Variants in EBF1 observed in about 807,000 individuals in gnomAD.
EBF1 encodes the protein transcription factor COE1.
EBF1 carries 10 observed loss-of-function variants against 68.4 expected under a neutral mutation model. The observed-to-expected ratio is 0.15, with a 90% CI of 0.09 to 0.25. The LOEUF is 0.25. Among genes scored for constraint, EBF1 ranks in the 10% least tolerant of loss-of-function variants. EBF1 has a pLI of 1.00. For missense variants in EBF1, 509 were observed against 794.4 expected, an observed-to-expected ratio of 0.64 and a Z score of 4.32; for synonymous variants, 298 against 299.8, an observed-to-expected ratio of 0.99 and a Z score of 0.06.
chr5:158,851,602 A>G (rs1582556067), intron 6 of EBF1, among the ~76,000 whole-genome samples: 1 of 41,622 alleles, frequency 2.4e-5, no homozygotes, highest in Non-Finnish European at 4.3e-5. Context: ...AGGGGAGGGG[A>G]GAAGGGAAGG....
chr5:158,771,473 A>C (rs1040772930), intron 10 of EBF1, among the ~76,000 whole-genome samples: 1 of 152,282 alleles, frequency 6.6e-6, no homozygotes, highest in Admixed American at 6.5e-5. Flanking sequence ...CATGTTATCC[A>C]GAGGACAAAA....
intron 6 of EBF1, among the ~76,000 whole-genome samples, chr5:158,966,075 G>A (rs897898404): frequency 2.0e-5 from 3 of 152,196 alleles, no homozygotes; most frequent in Non-Finnish European, 4.4e-5. Flanking sequence ...TCTGATTTGG[G>A]AAAGTAATCT....
intron 6 of EBF1, among the ~76,000 whole-genome samples, chr5:159,069,362 C>G (rs1407162492): frequency 2.0e-5 from 3 of 151,994 alleles, no homozygotes; most frequent in African/African-American, 4.8e-5. Flanking sequence ...TAAGCTGCCC[C>G]CTATCCCACC....
At chr5:158,966,931 A>G (rs1754283490) in intron 6 of EBF1, among the ~76,000 whole-genome samples, 1 of 152,268 alleles carries the variant, frequency 6.6e-6, no homozygotes, top group Non-Finnish European at 1.5e-5. Context: ...AGTGAAGGAT[A>G]GTAATTTAGG....
chr5:158,806,501 C>G (rs1250081569), intron 8 of EBF1, among the ~76,000 whole-genome samples: 1 of 152,046 alleles, frequency 6.6e-6, no homozygotes, highest in Admixed American at 6.6e-5. Context: ...GCTCTTGGCT[C>G]TATGCTGTCG....
intron 6 of EBF1, among the ~76,000 whole-genome samples, chr5:158,886,307 G>A (rs1328050351): frequency 6.6e-6 from 1 of 152,242 alleles, no homozygotes; most frequent in African/African-American, 2.4e-5. Context: ...CTGGTCTGAA[G>A]CCAGATGCTC....
intron 6 of EBF1, among the ~76,000 whole-genome samples, chr5:158,980,360 C>A (rs541028844): frequency 1.6e-4 from 25 of 152,272 alleles, no homozygotes; most frequent in African/African-American, 5.3e-4. Flanking sequence ...TGCTGGCACG[C>A]TCTCTATCAA....
chr5:158,811,208 A>T (rs1373156859), intron 8 of EBF1, among the ~76,000 whole-genome samples: 1 of 152,144 alleles, frequency 6.6e-6, no homozygotes, highest in Non-Finnish European at 1.5e-5. Flanking sequence ...AACCCAGAAA[A>T]GCACCTTCCC....
chr5:159,008,772 C>T (rs1041916884), intron 6 of EBF1, among the ~76,000 whole-genome samples: 9 of 152,000 alleles, frequency 5.9e-5, no homozygotes, highest in African/African-American at 2.2e-4. Flanking sequence ...CCTGACCTGA[C>T]GTGATTCGCC....
chr5:158,761,346 A>G (rs1211295601), intron 10 of EBF1, among the ~76,000 whole-genome samples: 1 of 152,182 alleles, frequency 6.6e-6, no homozygotes, highest in Non-Finnish European at 1.5e-5. Context: ...GATTATTTCG[A>G]TGTTAACATT....
At chr5:158,791,291 C>G (rs1380585537) in intron 9 of EBF1, among the ~76,000 whole-genome samples, 6 of 147,428 alleles carry the variant, frequency 4.1e-5, no homozygotes, top group Non-Finnish European at 7.4e-5. Flanking sequence ...TGCACTCCAG[C>G]CTGAGCAACA....
At chr5:158,771,388 G>T (rs1773850366) in intron 10 of EBF1, among the ~76,000 whole-genome samples, 1 of 151,928 alleles carries the variant, frequency 6.6e-6, no homozygotes, top group Non-Finnish European at 1.5e-5. Flanking sequence ...TTCATTTAAA[G>T]AAACTATGTT....
intron 6 of EBF1, among the ~76,000 whole-genome samples, chr5:159,058,461 C>T (rs1775188187): frequency 6.6e-6 from 1 of 152,198 alleles, no homozygotes; most frequent in African/African-American, 2.4e-5. Flanking sequence ...CCAGCCCTAC[C>T]TTGCAACCAG....
At chr5:158,765,630 G>A (rs1772492391) in intron 10 of EBF1, among the ~76,000 whole-genome samples, 1 of 152,136 alleles carries the variant, frequency 6.6e-6, no homozygotes, top group African/African-American at 2.4e-5. Context: ...ACATGTGCCA[G>A]GTTGAACAGC....
intron 6 of EBF1, among the ~76,000 whole-genome samples, chr5:159,023,659 G>A (rs775406637): frequency 2.0e-5 from 3 of 152,148 alleles, no homozygotes; most frequent in Non-Finnish European, 2.9e-5. Flanking sequence ...TTTATGTTAC[G>A]TTGCCTTTTA....
chr5:158,825,888 A>G (rs926668094), intron 7 of EBF1, among the ~76,000 whole-genome samples: 1 of 152,132 alleles, frequency 6.6e-6, no homozygotes, highest in Non-Finnish European at 1.5e-5. Context: ...TAAATAAAAC[A>G]TATGCTAAAA....
At position 158,707,986 on chromosome 5, in the gene EBF1, G is replaced by T. The variant is rs964900186; in HGVS notation, c.1737C>A (p.Ser579Arg). The change falls in exon 15 of 16, where the codon AGC (serine) becomes AGA (arginine). Residue 579 changes from serine (S) to arginine (R), a missense_variant. Ser to Arg is a moderately radical substitution (Grantham distance 110). Transcript: ENST00000313708. ...GTGGGGCCTGGGGCTTACCTTGCAG[G>T]CTGTTCCCGTTGGTGCTGGTGCAGG... is the stretch of plus-strand genomic sequence containing the variant. ...PPTCTSTNGN[S>R]LQAISGMIVP... 1.3e-6 allele frequency: 2 copies of T among 1,549,476 alleles called. No homozygotes were observed. The highest frequency in any genetic ancestry group is 1.4e-5 in the African/African-American group (1 of 72,988).
At chr5:158,995,127 C>T (rs1475729261) in intron 6 of EBF1, among the ~76,000 whole-genome samples, 7 of 152,048 alleles carry the variant, frequency 4.6e-5, no homozygotes, top group Non-Finnish European at 1.0e-4. Context: ...TTCATTTCCT[C>T]CTTGATGGGA....
At chr5:158,735,402 T>C (rs1444661580) in intron 10 of EBF1, among the ~76,000 whole-genome samples, 3 of 152,226 alleles carry the variant, frequency 2.0e-5, no homozygotes, top group Non-Finnish European at 1.5e-5. Flanking sequence ...TTCAAACTCA[T>C]TTACTGGTAG....
Sources: gnomAD v4.1 joint callset for allele counts (sites outside exome capture counted in the v4.1 genomes callset) on GRCh38, gnomAD v4.1.1 for gene constraint, MANE v1.5 for transcripts, NCBI Gene and HGNC (gene_info 2026-07-23, HGNC 2026-07-21) for gene names.